Variants in SYT1 observed in about 807,000 individuals in gnomAD.
SYT1 encodes synaptotagmin 1, also known as synaptotagmin-1.
In SYT1, 8 loss-of-function variants were observed where a neutral mutation model predicts 44.8. That is an observed-to-expected ratio of 0.18 (90% CI 0.10 to 0.32). The LOEUF (loss-of-function observed/expected upper bound fraction) is 0.32, where lower values mean the gene tolerates loss of function less well. Ranked by LOEUF, SYT1 falls within the 10% of genes least tolerant of loss-of-function variation. SYT1 has a pLI of 1.00. For synonymous variants in SYT1, 154 were observed against 188.8 expected (o/e 0.82, Z 1.51); for missense variants, 286 against 509.3 (o/e 0.56, Z 4.22).
At chr12:79,149,533 C>G (rs1310298618) in intron 3 of SYT1, among the ~76,000 whole-genome samples, 1 of 152,050 alleles carries the variant, frequency 6.6e-6, no homozygotes, top group Non-Finnish European at 1.5e-5. Flanking sequence ...CCTAAATAGC[C>G]TTTTTCTTAG....
intron 1 of SYT1, among the ~76,000 whole-genome samples, chr12:78,871,166 C>T (rs1381188194): frequency 1.3e-5 from 2 of 151,962 alleles, no homozygotes; most frequent in Non-Finnish European, 2.9e-5. Context: ...TAAATAAGCA[C>T]ATGCTTCATG....
At chr12:78,930,378 T>G (rs1054000929) in intron 1 of SYT1, among the ~76,000 whole-genome samples, 1 of 151,962 alleles carries the variant, frequency 6.6e-6, no homozygotes, top group Admixed American at 6.6e-5. Flanking sequence ...AATGCAAATA[T>G]ACTGTAATAC....
chr12:79,020,064 A>T (rs965920203), intron 2 of SYT1, among the ~76,000 whole-genome samples: 1 of 151,952 alleles, frequency 6.6e-6, no homozygotes, highest in East Asian at 1.9e-4. Flanking sequence ...CAAATCCAAC[A>T]TAAATTATTT....
chr12:79,086,094 G>A (rs1223333778), intron 3 of SYT1, among the ~76,000 whole-genome samples: 8 of 152,070 alleles, frequency 5.3e-5, no homozygotes, highest in African/African-American at 1.7e-4. Flanking sequence ...TATTAATTAA[G>A]ATAATTCATG....
At chr12:79,197,750 C>T in intron 3 of SYT1, among the ~76,000 whole-genome samples, 1 of 152,124 alleles carries the variant, frequency 6.6e-6, no homozygotes, top group East Asian at 1.9e-4. Flanking sequence ...AAAGAGAATA[C>T]TGATGTTAAC....
At chr12:78,893,848 AAAT>A (rs1161150352) in intron 1 of SYT1, among the ~76,000 whole-genome samples, 1 of 151,592 alleles carries the variant, frequency 6.6e-6, no homozygotes, top group African/African-American at 2.4e-5. Context: ...CAATTATAAA[AAAT>A]AATAATAATA....
intron 3 of SYT1, among the ~76,000 whole-genome samples, chr12:79,160,219 G>A (rs1259279746): frequency 5.9e-5 from 9 of 152,108 alleles, no homozygotes; most frequent in African/African-American, 1.9e-4. Flanking sequence ...GCAAAAAGAA[G>A]ATCATGTTGG....
intron 8 of SYT1, among the ~76,000 whole-genome samples, chr12:79,308,620 GAA>G (rs1163627480): frequency 1.2e-4 from 3 of 24,978 alleles, no homozygotes; most frequent in Non-Finnish European, 2.6e-4. Context: ...GAAAAAGAAA[GAA>G]AGAAAGAAAG....
intron 4 of SYT1, among the ~76,000 whole-genome samples, chr12:79,244,523 T>C (rs1368402245): frequency 6.6e-6 from 1 of 151,836 alleles, no homozygotes; most frequent in Non-Finnish European, 1.5e-5. Context: ...CTGGCCAACA[T>C]GGTAAAATCT....
intron 4 of SYT1, among the ~76,000 whole-genome samples, chr12:79,266,015 T>G (rs1451375038): frequency 6.6e-6 from 1 of 152,140 alleles, no homozygotes; most frequent in African/African-American, 2.4e-5. Flanking sequence ...TCTGGAAAAG[T>G]TGATATTTTT....
At chr12:78,985,616 TAAC>T (rs1035609246) in intron 2 of SYT1, among the ~76,000 whole-genome samples, 26 of 151,900 alleles carry the variant, frequency 1.7e-4, no homozygotes, top group African/African-American at 6.0e-4. Flanking sequence ...GAAGACGTGA[TAAC>T]AAATTCTTTA....
chr12:79,430,773 A>C (rs749917425), intron 9 of SYT1, among the ~76,000 whole-genome samples: 1 of 152,162 alleles, frequency 6.6e-6, no homozygotes, highest in African/African-American at 2.4e-5. Flanking sequence ...GCAACAGAGC[A>C]AGACTCTTGT....
rs147970781 is a variant in SYT1, at chr12:78,915,208, A to G, written c.-217+50099A>G. On this transcript the variant is annotated intron_variant, in intron 1 of 10. Coordinates refer to ENST00000261205, the MANE Select transcript of SYT1 (RefSeq NM_005639.3). ...ATGCAGTCAGATCACTATTTTAATA[A>G]TAGATCAAAGGTTCCCAAGCACTGA... Among the ~76,000 whole-genome samples the G allele has an allele frequency of 9.9e-5, 15 of 152,160 alleles. No homozygotes were observed. The East Asian group carries it at 2.9e-3, about 30-fold the overall frequency.
At chr12:79,051,178 C>T (rs1407957337) in intron 3 of SYT1, among the ~76,000 whole-genome samples, 1 of 151,318 alleles carries the variant, frequency 6.6e-6, no homozygotes, top group East Asian at 1.9e-4. Flanking sequence ...AATCTTTTTT[C>T]AACCAAAACA....
intron 3 of SYT1, among the ~76,000 whole-genome samples, chr12:79,133,104 G>T (rs1200730133): frequency 2.0e-5 from 3 of 152,164 alleles, no homozygotes; most frequent in Non-Finnish European, 4.4e-5. Flanking sequence ...GGTGGTCAGG[G>T]TGGGATGAAG....
intron 1 of SYT1, among the ~76,000 whole-genome samples, chr12:78,911,358 T>C (rs1876315199): frequency 6.6e-6 from 1 of 151,832 alleles, no homozygotes; most frequent in South Asian, 2.1e-4. Flanking sequence ...TAATTTGTGT[T>C]TAGGTAGTAA....
At chr12:79,240,203 GT>G (rs1402027326) in intron 4 of SYT1, among the ~76,000 whole-genome samples, 1 of 152,176 alleles carries the variant, frequency 6.6e-6, no homozygotes, top group African/African-American at 2.4e-5. Context: ...GAGAATGAAT[GT>G]ATGACAGAGA....
chr12:79,314,884 G>A (rs1014132904), intron 8 of SYT1, among the ~76,000 whole-genome samples: 2 of 152,176 alleles, frequency 1.3e-5, no homozygotes, highest in African/African-American at 2.4e-5. Flanking sequence ...TTACTTAGCT[G>A]TAAAAAGAAA....
chr12:78,894,081 C>G (rs1875206572), intron 1 of SYT1, among the ~76,000 whole-genome samples: 1 of 148,150 alleles, frequency 6.7e-6, no homozygotes, highest in Non-Finnish European at 1.5e-5. Flanking sequence ...CTTTTTTTTT[C>G]CAAAAAGATT....
Sources: allele counts gnomAD v4.1 joint callset (sites outside exome capture counted in the v4.1 genomes callset), GRCh38; gene constraint gnomAD v4.1.1; transcripts MANE v1.5; gene names NCBI Gene and HGNC (gene_info 2026-07-23, HGNC 2026-07-21).